Variants in WDR11 observed in about 807,000 individuals in gnomAD.
WDR11 encodes WD repeat-containing protein 11.
A neutral mutation model predicts 151.2 loss-of-function variants in WDR11; 83 were observed. The observed-to-expected ratio is 0.55, with a 90% confidence interval of 0.46 to 0.66. The LOEUF (loss-of-function observed/expected upper bound fraction) is 0.66, where lower values mean the gene tolerates loss of function less well. Among genes scored for constraint, WDR11 ranks in the 30% least tolerant of loss-of-function variants. The pLI is 0.00. For synonymous variants in WDR11, 484 were observed against 533.1 expected (o/e 0.91, Z 1.27); for missense variants, 1,301 against 1,480.9 (o/e 0.88, Z 1.99).
intron 19 of WDR11, among the ~76,000 whole-genome samples, chr10:120,897,895 A>C (rs190232441): frequency 8.5e-5 from 13 of 152,358 alleles, no homozygotes; most frequent in Admixed American, 7.2e-4. Flanking sequence ...GGGTGTAAAA[A>C]AAAAGTATTA....
rs143899715 is a variant in WDR11 at position 120,852,473 on chromosome 10, A to G, written c.87-51A>G. The G allele has an allele frequency of 4.9e-4, 724 of 1,492,064 alleles. 3 individuals are homozygous for G. In the African/African-American group the frequency reaches 9.0e-3, roughly 19 times the overall value. 92.4% of individuals were successfully genotyped at this position (1,492,064 alleles called of 1,614,324 possible). A position where few individuals can be genotyped will look rare whatever the true frequency, so the allele number is the denominator to read the frequency against. ...ATTTATTTAGGCTTGGCAAGAAAGA[A>G]GTCGTCCTGCTTTGTTCTGTACTTA... On this transcript the variant is annotated intron_variant, in intron 1 of 28. Transcript: ENST00000263461.
chr10:120,868,268 A>G (rs1393675604), intron 9 of WDR11, among the ~76,000 whole-genome samples: 1 of 152,122 alleles, frequency 6.6e-6, no homozygotes, highest in Non-Finnish European at 1.5e-5. Flanking sequence ...AGCCTGGCCA[A>G]CATAGTGAAA....
intron 12 of WDR11, chr10:120,880,163 G>A (rs1371991447): frequency 2.6e-5 from 4 of 151,982 alleles, no homozygotes; most frequent in African/African-American, 7.2e-5. Flanking sequence ...AGTAGTTTTC[G>A]CACCAGACAA....
chr10:120,902,752 TGTGAATCAATGGCCCAC>T (rs1847876591), intron 22 of WDR11, among the ~76,000 whole-genome samples: 1 of 151,344 alleles, frequency 6.6e-6, no homozygotes, highest in South Asian at 2.1e-4. Flanking sequence ...TTCTTCCTAA[TGTGAATCAATGGCCCAC>T]ATTGAAAGGT....
intron 23 of WDR11, 100 bp downstream of exon 23, chr10:120,903,332 G>A: frequency 7.0e-7 from 1 of 1,427,862 alleles, no homozygotes. Flanking sequence ...CTAAGTTACT[G>A]TTCAGTAATA....
At chr10:120,905,680 G>GGT in intron 26 of WDR11, 196 bp from the exon 27 acceptor site, 1 of 1,000,626 alleles carries the variant, frequency 1.0e-6, no homozygotes, top group Non-Finnish European at 1.5e-6. Flanking sequence ...ACAGTCCAGA[G>GGT]GTATAGCCAG....
rs1171041173 is a variant in WDR11, at chr10:120,865,158, G to A, written c.825G>A (p.Val275=). ...PREILILDLE[V]NQTVGVIAIE... ...AGATTTTAATCCTTGACCTTGAGGT[G>A]AATCAGACGGTGGGTGTGATTGCAA... Residue 275 remains valine, a synonymous_variant, in exon 6 of 29, where the codon GTG becomes GTA. Transcript: ENST00000263461. 1.9e-6 allele frequency: 3 copies of A among 1,613,916 alleles called. No individual in the cohort carries two copies. The Admixed American group carries it at 5.0e-5, about 27-fold the overall frequency.
At position 120,878,396 on chromosome 10, in the gene WDR11, A is replaced by C; in HGVS notation, c.1600A>C (p.Thr534Pro). ...TTTGACTAGTTTTCTTTCTTTTGCT[A>C]CCTCAACACCAAACAATATGGGATT... ...TSLTSFLSFA[T>P]STPNNMGLVR... The change falls in exon 12 of 29, where the codon ACC (threonine) becomes CCC (proline). Residue 534 changes from threonine to proline, a missense_variant. Coordinates refer to ENST00000263461, the MANE Select transcript of WDR11 (RefSeq NM_018117.12). 1 of 1,613,254 alleles carries C rather than the reference A, an allele frequency of 6.2e-7. No homozygotes were observed. Among genetic ancestry groups the C allele is most frequent in the Non-Finnish European group, 8.5e-7 (1 of 1,179,538 alleles).
At chr10:120,866,889 G>A in intron 8 of WDR11, 125 bp downstream of exon 8, 1 of 1,185,308 alleles carries the variant, frequency 8.4e-7, no homozygotes, top group Non-Finnish European at 1.2e-6. Context: ...TAATAATTAA[G>A]GCTTTAGATT....
In WDR11 at chr10:120,873,728, T is replaced by C. The variant is rs1279915044; in HGVS notation, c.1472-111T>C. 1.9e-5 allele frequency: 15 copies of C among 782,084 alleles called. No homozygotes were observed. In the East Asian group the frequency reaches 3.5e-4, roughly 18 times the overall value. 48.4% of individuals were successfully genotyped at this position (782,084 alleles called of 1,614,324 possible). ...TGTTTAAACACATAGTTTGGGTTTC[T>C]TTTATAAAAGATAAATGTGTTAAGT... On this transcript the variant is annotated intron_variant, in intron 10 of 28. Transcript: ENST00000263461.
chr10:120,865,847 T>C (rs113631100), intron 7 of WDR11, 103 bp downstream of exon 7: 45 of 762,064 alleles, frequency 5.9e-5, no homozygotes, highest in African/African-American at 4.4e-4. Context: ...TGATACTCCT[T>C]GCTTTGAGGA....
Position 120,883,627 on chromosome 10 carries a change from T to C in WDR11, c.1740-153T>C, listed in dbSNP as rs188413430. Among the ~76,000 whole-genome samples, 484 of 152,314 alleles carry C rather than the reference T, an allele frequency of 3.2e-3. 1 individual carries two copies. The highest frequency in any genetic ancestry group is 0.011 in the African/African-American group (461 of 41,574). Reference sequence around the variant, plus strand: ...GGTCACTTAGAGCTTTACCTTCTTATGACTGTTAATCATGGTGCTAAATGG... The same window carrying C: ...GGTCACTTAGAGCTTTACCTTCTTACGACTGTTAATCATGGTGCTAAATGG... On this transcript the variant is annotated intron_variant, in intron 13 of 28. Coordinates refer to ENST00000263461, the MANE Select transcript of WDR11 (RefSeq NM_018117.12).
At chr10:120,860,389 TG>T in intron 4 of WDR11, 107 bp downstream of exon 4, 1 of 1,329,904 alleles carries the variant, frequency 7.5e-7, no homozygotes, top group Non-Finnish European at 1.0e-6. Context: ...AATGTTAAAA[TG>T]ACTGAGCGAA....
rs11199627 is a variant in WDR11, at chr10:120,890,282, G to A, written c.2343+273G>A. 0.013 allele frequency among the ~76,000 whole-genome samples: 1,994 copies of A among 151,970 alleles called. 17 individuals are homozygous for A. The highest frequency in any genetic ancestry group is 0.018 in the Non-Finnish European group (1,254 of 67,976). On this transcript the variant is annotated intron_variant, in intron 18 of 28. Transcript: ENST00000263461. ...GGCTGGAGTGCAATGGCGCGATCTC[G>A]ACTTATTGCAGCCTCCACCTCCTGG...
intron 19 of WDR11, among the ~76,000 whole-genome samples, chr10:120,898,989 T>C (rs1371018176): frequency 6.6e-6 from 1 of 151,742 alleles, no homozygotes; most frequent in African/African-American, 2.4e-5. Context: ...TGGAGGGGAG[T>C]TGGTAGTAAG....
chr10:120,890,569 A>G, intron 18 of WDR11, 147 bp from the exon 19 acceptor site: 8 of 887,964 alleles, frequency 9.0e-6, no homozygotes, highest in East Asian at 2.5e-5. Context: ...AATGCTGCCT[A>G]TTTGTGGAAG....
chr10:120,887,465 G>T (rs990583676), intron 16 of WDR11, among the ~76,000 whole-genome samples: 2 of 152,046 alleles, frequency 1.3e-5, no homozygotes, highest in African/African-American at 4.8e-5. Flanking sequence ...AGGCATGAGG[G>T]GATTTTTTAA....
intron 4 of WDR11, 63 bp downstream of exon 4, chr10:120,860,345 G>A: frequency 1.3e-6 from 2 of 1,549,280 alleles, no homozygotes; most frequent in South Asian, 1.1e-5. Flanking sequence ...GTAATGCTAT[G>A]TGCATGAGAT....
In WDR11 at chr10:120,908,897, C is replaced by G; in HGVS notation, c.*184C>G. 1.5e-6 allele frequency: 1 copy of G among 657,522 alleles called. No individual in the cohort carries two copies. The highest frequency in any genetic ancestry group is 2.6e-5 in the Admixed American group (1 of 38,988). 40.7% of individuals were successfully genotyped at this position (657,522 alleles called of 1,614,324 possible). A position where few individuals can be genotyped will look rare whatever the true frequency, so the allele number is the denominator to read the frequency against. ...ATCTATGTTGAGAGTAAGTTTGTAT[C>G]CTGCGTTGGTCTCAGAAAGAACGTG... is the stretch of plus-strand genomic sequence containing the variant. On this transcript the variant is annotated 3_prime_UTR_variant, in exon 29 of 29. Transcript: ENST00000263461.
Sources: allele counts gnomAD v4.1 joint callset (sites outside exome capture counted in the v4.1 genomes callset), GRCh38; gene constraint gnomAD v4.1.1; transcripts MANE v1.5; gene names NCBI Gene and HGNC (gene_info 2026-07-23, HGNC 2026-07-21).